Variants in PRDM5 observed in about 807,000 individuals in gnomAD.
PRDM5 encodes PR domain zinc finger protein 5.
Under a neutral mutation model 81.2 loss-of-function variants are expected in PRDM5, and 56 were observed. The ratio of observed to expected loss-of-function variants is 0.69; its 90% CI spans 0.56 to 0.86. The LOEUF (loss-of-function observed/expected upper bound fraction) is 0.86, where lower values mean the gene tolerates loss of function less well. Ranked by LOEUF, PRDM5 falls within the 40% of genes least tolerant of loss-of-function variation. The probability of loss-of-function intolerance (pLI) is 0.00; values close to 1 mark genes in which losing one functional copy is unlikely to be tolerated. For missense variants in PRDM5, 697 were observed against 770.1 expected (o/e 0.91, Z 1.12); for synonymous variants, 267 against 256.4 (o/e 1.04, Z -0.39).
intron 15 of PRDM5, among the ~76,000 whole-genome samples, chr4:120,704,895 G>A (rs144470108): frequency 2.0e-5 from 3 of 152,166 alleles, no homozygotes; most frequent in Non-Finnish European, 4.4e-5. Context: ...CTCAGCTGGG[G>A]AAGTGAAAAG....
At chr4:120,739,764 A>G (rs940580469) in intron 14 of PRDM5, among the ~76,000 whole-genome samples, 1 of 151,826 alleles carries the variant, frequency 6.6e-6, no homozygotes, top group Admixed American at 6.6e-5. Flanking sequence ...TTTCAGGAGC[A>G]TCATTTGGTA....
chr4:120,876,325 T>C (rs189330724), intron 2 of PRDM5, among the ~76,000 whole-genome samples: 1 of 152,324 alleles, frequency 6.6e-6, no homozygotes, highest in African/African-American at 2.4e-5. Context: ...AGGTCTTTTT[T>C]AAAGTAAACT....
At chr4:120,817,804 C>G (rs1174366849) in intron 5 of PRDM5, among the ~76,000 whole-genome samples, 1 of 152,046 alleles carries the variant, frequency 6.6e-6, no homozygotes, top group Non-Finnish European at 1.5e-5. Flanking sequence ...AAAAAGGGTA[C>G]AGAGCTATGT....
chr4:120,725,286 T>TC (rs397878577), intron 14 of PRDM5, among the ~76,000 whole-genome samples: 12 of 143,640 alleles, frequency 8.4e-5, no homozygotes, highest in African/African-American at 3.0e-4. Context: ...TTTTTTTTTT[T>TC]CTGTAAGCAA....
chr4:120,803,412 A>G (rs1048209671), intron 8 of PRDM5, among the ~76,000 whole-genome samples: 7 of 152,194 alleles, frequency 4.6e-5, no homozygotes, highest in African/African-American at 1.7e-4. Flanking sequence ...CGTAAGATTC[A>G]CCAAAGTTGA....
chr4:120,723,061 T>C (rs1488388086), intron 14 of PRDM5, among the ~76,000 whole-genome samples: 2 of 152,232 alleles, frequency 1.3e-5, no homozygotes, highest in Admixed American at 6.5e-5. Flanking sequence ...TCCTACTGCC[T>C]ACATCTTCCC....
At chr4:120,792,717 T>A (rs1750759214) in intron 10 of PRDM5, among the ~76,000 whole-genome samples, 1 of 152,174 alleles carries the variant, frequency 6.6e-6, no homozygotes, top group Non-Finnish European at 1.5e-5. Flanking sequence ...AATGTAATAC[T>A]ATTCAGCCTT....
At chr4:120,778,981 A>G (rs1156822870) in intron 12 of PRDM5, among the ~76,000 whole-genome samples, 1 of 152,140 alleles carries the variant, frequency 6.6e-6, no homozygotes, top group Admixed American at 6.6e-5. Context: ...TTATATATAC[A>G]TATCTATTGT....
At chr4:120,916,290 G>A (rs1375589279) in intron 1 of PRDM5, among the ~76,000 whole-genome samples, 1 of 152,106 alleles carries the variant, frequency 6.6e-6, no homozygotes, top group African/African-American at 2.4e-5. Context: ...AGGAGGCTGA[G>A]GCAGGAGAAT....
chr4:120,850,159 C>T (rs1288280695), intron 3 of PRDM5, among the ~76,000 whole-genome samples: 2 of 152,042 alleles, frequency 1.3e-5, no homozygotes, highest in Non-Finnish European at 2.9e-5. Context: ...CAAGTATTGA[C>T]GTTTTCCACC....
At chr4:120,731,419 G>C (rs1740238111) in intron 14 of PRDM5, among the ~76,000 whole-genome samples, 1 of 149,800 alleles carries the variant, frequency 6.7e-6, no homozygotes, top group African/African-American at 2.5e-5. Context: ...AGGCCAGGCA[G>C]TACAGCAGAG....
chr4:120,717,352 C>T (rs1737941838), intron 14 of PRDM5, among the ~76,000 whole-genome samples: 1 of 152,178 alleles, frequency 6.6e-6, no homozygotes, highest in African/African-American at 2.4e-5. Context: ...TTTAATCAAA[C>T]AATACTTGGC....
At chr4:120,750,709 C>G (rs1227191943) in intron 14 of PRDM5, among the ~76,000 whole-genome samples, 1 of 149,856 alleles carries the variant, frequency 6.7e-6, no homozygotes, top group African/African-American at 2.5e-5. Flanking sequence ...CACACACACA[C>G]ACACACACAC....
intron 2 of PRDM5, among the ~76,000 whole-genome samples, chr4:120,875,194 T>C (rs781311405): frequency 6.6e-6 from 1 of 152,210 alleles, no homozygotes; most frequent in Non-Finnish European, 1.5e-5. Context: ...ATCTATTTGT[T>C]AGCCAACCCA....
chr4:120,811,532 G>A, intron 7 of PRDM5, 83 bp from the exon 8 acceptor site: 1 of 809,044 alleles, frequency 1.2e-6, no homozygotes, highest in African/African-American at 1.7e-5. Flanking sequence ...TGATATGTAA[G>A]TTCATCTTCA....
intron 1 of PRDM5, among the ~76,000 whole-genome samples, chr4:120,911,564 C>A (rs535617491): frequency 6.6e-6 from 1 of 152,114 alleles, no homozygotes; most frequent in South Asian, 2.1e-4. Context: ...AAAATGTGGG[C>A]CATTTTCTCT....
intron 1 of PRDM5, among the ~76,000 whole-genome samples, chr4:120,908,063 G>C (rs891917263): frequency 2.6e-5 from 4 of 152,176 alleles, no homozygotes; most frequent in African/African-American, 9.7e-5. Context: ...CAGGCAAATG[G>C]GCACACTTTA....
chr4:120,777,303 G>C (rs778861723), intron 12 of PRDM5, 22 bp from the exon 13 acceptor site: 16 of 1,612,956 alleles, frequency 9.9e-6, no homozygotes, highest in East Asian at 6.7e-5. Context: ...GGGATAAAAA[G>C]GCTAAGGATA....
At chr4:120,765,006 TTAA>T (rs1746178049) in intron 13 of PRDM5, among the ~76,000 whole-genome samples, 1 of 152,150 alleles carries the variant, frequency 6.6e-6, no homozygotes, top group Admixed American at 6.5e-5. Context: ...ATCTAATTTT[TTAA>T]TAATTTTATT....
Sources: allele counts gnomAD v4.1 joint callset (sites outside exome capture counted in the v4.1 genomes callset), GRCh38; gene constraint gnomAD v4.1.1; transcripts MANE v1.5; gene names NCBI Gene and HGNC (gene_info 2026-07-23, HGNC 2026-07-21).